Variants in POM121C observed in about 807,000 individuals in gnomAD.
The protein encoded by POM121C is POM121 transmembrane nucleoporin C, also known as nuclear envelope pore membrane protein POM 121C.
In POM121C, 20 loss-of-function variants were observed where a neutral mutation model predicts 66.4. The ratio of observed to expected loss-of-function variants is 0.30; its 90% CI spans 0.21 to 0.44. The LOEUF is 0.44. POM121C is among the 20% of genes least tolerant of loss of function. POM121C has a pLI of 1.00. For synonymous variants in POM121C, 286 were observed against 528.0 expected (o/e 0.54, Z 6.28); for missense variants, 580 against 1,225.7 (o/e 0.47, Z 7.87).
chr7:75,429,092 T>C (rs1554472041), intron 7 of POM121C, among the ~76,000 whole-genome samples: 2 of 152,182 alleles, frequency 1.3e-5, no homozygotes, highest in African/African-American at 4.8e-5. Flanking sequence ...ATTTCAGATA[T>C]AACAAGACAA....
At chr7:75,462,874 A>G (rs62477679) in intron 3 of POM121C, among the ~76,000 whole-genome samples, 138,688 of 151,806 alleles carry the variant, frequency 0.91, 63,423 homozygotes, top group East Asian at 0.97. Context: ...ACTGAAATTC[A>G]GACCTGCCCT....
intron 3 of POM121C, among the ~76,000 whole-genome samples, chr7:75,464,998 CT>C (rs782029706): frequency 3.2e-3 from 422 of 133,680 alleles, no homozygotes; most frequent in Admixed American, 3.2e-3. Context: ...GTCTACAGTT[CT>C]TTTTTTTTTT....
chr7:75,425,458 C>T (rs1789906123), intron 9 of POM121C, 177 bp downstream of exon 9: 1 of 1,374,390 alleles, frequency 7.3e-7, no homozygotes, highest in Admixed American at 2.7e-5. Context: ...CCATCTGTAG[C>T]CTTTCTCCCT....
At chr7:75,461,347 C>T (rs1417212508) in intron 3 of POM121C, among the ~76,000 whole-genome samples, 5 of 152,136 alleles carry the variant, frequency 3.3e-5, no homozygotes, top group Non-Finnish European at 7.3e-5. Context: ...CAGGAGACTT[C>T]ACACACTAAC....
chr7:75,424,665 A>C, intron 10 of POM121C, 37 bp from the exon 11 acceptor site: 1 of 1,611,512 alleles, frequency 6.2e-7, no homozygotes, highest in Non-Finnish European at 8.5e-7. Context: ...GGCCAATCAG[A>C]AAAAACGGGA....
intron 3 of POM121C, among the ~76,000 whole-genome samples, chr7:75,468,099 C>A (rs1384190685): frequency 1.1e-4 from 15 of 142,604 alleles, no homozygotes; most frequent in Non-Finnish European, 1.5e-5. Flanking sequence ...ACAACTGCAC[C>A]CCAACCTGGG....
chr7:75,462,817 C>T (rs587621470), intron 3 of POM121C, among the ~76,000 whole-genome samples: 1 of 152,088 alleles, frequency 6.6e-6, no homozygotes, highest in Admixed American at 6.5e-5. Flanking sequence ...GGTGTGCTGA[C>T]AGCATGGGAG....
In POM121C at chr7:75,437,618, C is replaced by A. The variant is rs587674801; in HGVS notation, c.377G>T (p.Ser126Ile). The change falls in exon 7 of 15, where the codon AGC (serine) becomes ATC (isoleucine). Residue 126 changes from serine (S) to isoleucine (I), a missense_variant. By Grantham distance (142) the Ser-to-Ile change is moderately radical. Coordinates refer to ENST00000615331, the MANE Select transcript of POM121C (RefSeq NM_001099415.3). The stretch of plus-strand genomic sequence containing the variant: ...GCCTGTCAAGGAGCTCATGGAAGAG[C>A]TTCGGGATCTCTTATTCAAGTGGTC... ...SDDHLNKRSR[S>I]SSMSSLTGAY... 6.2e-7 allele frequency: 1 copy of A among 1,613,916 alleles called. No individual in the cohort carries two copies. Among genetic ancestry groups the A allele is most frequent in the African/African-American group, 1.3e-5 (1 of 75,020 alleles).
At chr7:75,438,279 C>CAGTGGATT (rs1790491457) in intron 6 of POM121C, among the ~76,000 whole-genome samples, 1 of 152,222 alleles carries the variant, frequency 6.6e-6, no homozygotes, top group African/African-American at 2.4e-5. Flanking sequence ...TTTATTCTCA[C>CAGTGGATT]AGTGGATTAC....
rs782688464 is a variant in POM121C, at chr7:75,441,589, G to A, written c.-93C>T. On this transcript the variant is annotated 5_prime_UTR_variant, in exon 4 of 15. Coordinates refer to ENST00000615331, the MANE Select transcript of POM121C (RefSeq NM_001099415.3). ...CCCGGACAGGAATACTGGGTCTGAT[G>A]GATCGGATAGCGTCTTCGAGGTGTT... 4 of 1,604,312 alleles carry A rather than the reference G, an allele frequency of 2.5e-6. No homozygotes were observed. The highest frequency in any genetic ancestry group is 1.3e-5 in the African/African-American group (1 of 74,540).
At chr7:75,450,925 GC>G (rs1389364446) in intron 3 of POM121C, among the ~76,000 whole-genome samples, 1 of 152,118 alleles carries the variant, frequency 6.6e-6, no homozygotes, top group Admixed American at 6.6e-5. Flanking sequence ...CCCTTAGGAA[GC>G]CCAGATATTG....
At position 75,419,372 on chromosome 7, in the gene POM121C, G is replaced by A. The variant is rs1563135300; in HGVS notation, c.2814C>T (p.Ser938=). 2 of 1,613,680 alleles carry A rather than the reference G, an allele frequency of 1.2e-6. No individual in the cohort carries two copies. Among genetic ancestry groups the A allele is most frequent in the Non-Finnish European group, 8.5e-7 (1 of 1,179,804 alleles). Residue 938 remains serine, a synonymous_variant, in exon 14 of 15, where the codon TCC becomes TCT. Transcript: ENST00000615331. ...PGVGTSGSSL[S]FGASSAPAQG... ...GGGCGGGTGCTGAAGATGCCCCAAA[G>A]GAGAGGCTGCTGCCCGATGTGCCCA... is the stretch of plus-strand genomic sequence containing the variant.
chr7:75,442,304 G>A (rs868906535), intron 3 of POM121C: 4 of 1,443,060 alleles, frequency 2.8e-6, no homozygotes, highest in Non-Finnish European at 3.6e-6. Flanking sequence ...GCCCTCCGGA[G>A]CGGGGGCGGG....
chr7:75,436,448 A>G (rs1790413836), intron 7 of POM121C, among the ~76,000 whole-genome samples: 1 of 152,352 alleles, frequency 6.6e-6, no homozygotes, highest in South Asian at 2.1e-4. Context: ...AAGTTTGCTT[A>G]TCAAAAATAA....
intron 6 of POM121C, among the ~76,000 whole-genome samples, chr7:75,438,481 C>A (rs1316715251): frequency 6.6e-6 from 1 of 152,214 alleles, no homozygotes; most frequent in Non-Finnish European, 1.5e-5. Context: ...CCATCATCCA[C>A]CACCACCCCT....
At position 75,417,246 on chromosome 7, in the gene POM121C, A is replaced by C; in HGVS notation, c.*1550T>G. ...AAATAAGAATTACATTTCATATAACATGGCCAGAAGGAGCTCTAGTCCCCC... is the reference window on the plus strand; with the variant it reads ...AAATAAGAATTACATTTCATATAACCTGGCCAGAAGGAGCTCTAGTCCCCC... On this transcript the variant is annotated 3_prime_UTR_variant, in exon 15 of 15. Coordinates refer to ENST00000615331, the MANE Select transcript of POM121C (RefSeq NM_001099415.3). 1 of 927,458 alleles carries C rather than the reference A, an allele frequency of 1.1e-6. No individual in the cohort carries two copies. The highest frequency in any genetic ancestry group is 1.3e-6 in the Non-Finnish European group (1 of 776,436). 57.5% of individuals were successfully genotyped at this position (927,458 alleles called of 1,614,324 possible).
At chr7:75,434,657 A>G (rs1209719475) in intron 7 of POM121C, among the ~76,000 whole-genome samples, 1 of 145,562 alleles carries the variant, frequency 6.9e-6, no homozygotes, top group Non-Finnish European at 1.5e-5. Flanking sequence ...ATCTCTGCTC[A>G]CTGCAGCCTG....
intron 7 of POM121C, among the ~76,000 whole-genome samples, chr7:75,435,472 T>C (rs1233189509): frequency 2.0e-5 from 3 of 152,152 alleles, no homozygotes; most frequent in Admixed American, 6.6e-5. Flanking sequence ...TTTTAGCGTA[T>C]TTTTTTCAAA....
At chr7:75,462,162 C>T (rs1584698611) in intron 3 of POM121C, among the ~76,000 whole-genome samples, 1 of 146,970 alleles carries the variant, frequency 6.8e-6, no homozygotes, top group Non-Finnish European at 1.5e-5. Context: ...GACTGGATCA[C>T]GGGCGCGGTT....
Sources: allele counts gnomAD v4.1 joint callset (sites outside exome capture counted in the v4.1 genomes callset), GRCh38; gene constraint gnomAD v4.1.1; transcripts MANE v1.5; gene names NCBI Gene and HGNC (gene_info 2026-07-23, HGNC 2026-07-21).